UBE4B: variants seen among roughly 807,000 people sequenced by gnomAD.
UBE4B encodes the protein ubiquitination factor E4B, also known as ubiquitin conjugation factor E4 B.
A neutral mutation model predicts 148.1 loss-of-function variants in UBE4B; 27 were observed. The ratio of observed to expected loss-of-function variants is 0.18; its 90% CI spans 0.13 to 0.25. The LOEUF is 0.25. Ranked by LOEUF, UBE4B falls within the 10% of genes least tolerant of loss-of-function variation. The pLI, the probability that UBE4B is intolerant of heterozygous loss-of-function variation, is 1.00. For synonymous variants in UBE4B, 596 were observed against 619.3 expected, an observed-to-expected ratio of 0.96 and a Z score of 0.56; for missense variants, 1,170 against 1,662.4, an observed-to-expected ratio of 0.70 and a Z score of 5.15.
intron 1 of UBE4B, among the ~76,000 whole-genome samples, chr1:10,061,134 T>G (rs1644276936): frequency 6.6e-6 from 1 of 152,200 alleles, no homozygotes; most frequent in Admixed American, 6.5e-5. Context: ...ACTGCAAACC[T>G]ACGGCATACT....
intron 17 of UBE4B, among the ~76,000 whole-genome samples, chr1:10,137,753 C>A (rs978477431): frequency 3.3e-5 from 5 of 152,040 alleles, no homozygotes; most frequent in Non-Finnish European, 7.4e-5. Context: ...CTAACACCAA[C>A]AAACAGAAGT....
intron 1 of UBE4B, among the ~76,000 whole-genome samples, chr1:10,040,004 G>C (rs1447235090): frequency 2.0e-5 from 3 of 152,106 alleles, no homozygotes; most frequent in African/African-American, 7.2e-5. Context: ...CTGTGAAGGA[G>C]GGGAGGGGAG....
intron 15 of UBE4B, among the ~76,000 whole-genome samples, chr1:10,134,575 A>C (rs1645647258): frequency 6.6e-6 from 1 of 152,134 alleles, no homozygotes; most frequent in East Asian, 1.9e-4. Context: ...ATAATTATAT[A>C]ATAGGCGGTA....
intron 7 of UBE4B, among the ~76,000 whole-genome samples, chr1:10,112,283 A>G (rs1645234227): frequency 6.6e-6 from 1 of 152,270 alleles, no homozygotes; most frequent in Non-Finnish European, 1.5e-5. Context: ...TTAGGACTTC[A>G]ATATGACATA....
rs143663738 is a variant in UBE4B, at chr1:10,040,681, G to A, written c.24+6987G>A. ...TGCCCAGGCTGGAGTGCAATGGCGCGATCTCAGCTCGCTGCAACCTCTGCC... is the reference window on the plus strand; with the variant it reads ...TGCCCAGGCTGGAGTGCAATGGCGCAATCTCAGCTCGCTGCAACCTCTGCC... On this transcript the variant is annotated intron_variant, in intron 1 of 27. Coordinates refer to ENST00000343090, the MANE Select transcript of UBE4B (RefSeq NM_001105562.3). Among the ~76,000 whole-genome samples, 737 of 150,002 alleles carry A rather than the reference G, an allele frequency of 4.9e-3. 4 individuals are homozygous for A. Among genetic ancestry groups the A allele is most frequent in the Middle Eastern group, 0.01 (3 of 286 alleles).
At chr1:10,063,723 C>T (rs949605470) in intron 1 of UBE4B, among the ~76,000 whole-genome samples, 2 of 152,044 alleles carry the variant, frequency 1.3e-5, no homozygotes, top group African/African-American at 4.8e-5. Flanking sequence ...GCCTGGCCAA[C>T]ATGGTGAAAC....
intron 11 of UBE4B, among the ~76,000 whole-genome samples, chr1:10,127,881 G>A (rs1411546984): frequency 6.6e-6 from 1 of 152,166 alleles, no homozygotes; most frequent in African/African-American, 2.4e-5. Flanking sequence ...TACACAAAGG[G>A]TGTATTTATC....
chr1:10,146,202 A>C (rs1263748209), intron 18 of UBE4B, among the ~76,000 whole-genome samples: 1 of 152,222 alleles, frequency 6.6e-6, no homozygotes, highest in African/African-American at 2.4e-5. Context: ...CAGTAATCCC[A>C]GCACTTTGAG....
In UBE4B at chr1:10,142,430, G is replaced by A. The variant is rs190923295; in HGVS notation, c.2364-2510G>A. On this transcript the variant is annotated intron_variant, in intron 17 of 27. Transcript: ENST00000343090. ...GCTCACGCCTGTAATCCCAACACTG[G>A]GAGGCCGAGGTGGGCAGATCACATG... is the stretch of plus-strand genomic sequence containing the variant. Among the ~76,000 whole-genome samples the A allele has an allele frequency of 3.8e-3, 579 of 152,248 alleles. 4 individuals carry two copies. Among genetic ancestry groups the A allele is most frequent in the Non-Finnish European group, 7.0e-3 (474 of 68,016 alleles).
intron 2 of UBE4B, among the ~76,000 whole-genome samples, chr1:10,085,701 T>C (rs754214824): frequency 9.9e-5 from 15 of 152,222 alleles, no homozygotes; most frequent in Non-Finnish European, 2.1e-4. Flanking sequence ...ACTGAGGTAG[T>C]AAGAACAAGT....
chr1:10,088,188 A>G (rs1644792096), intron 2 of UBE4B, among the ~76,000 whole-genome samples: 1 of 152,146 alleles, frequency 6.6e-6, no homozygotes, highest in Non-Finnish European at 1.5e-5. Flanking sequence ...GTCCTGGTCT[A>G]CTGACTCCAG....
At chr1:10,064,514 A>G (rs1644346940) in intron 1 of UBE4B, among the ~76,000 whole-genome samples, 1 of 152,182 alleles carries the variant, frequency 6.6e-6, no homozygotes, top group South Asian at 2.1e-4. Context: ...TAGGGATAGA[A>G]AGATAGCTGG....
At chr1:10,151,597 C>T in intron 21 of UBE4B, 36 bp downstream of exon 21, 3 of 1,569,520 alleles carry the variant, frequency 1.9e-6, no homozygotes, top group Non-Finnish European at 2.6e-6. Flanking sequence ...ACATGGCAGG[C>T]CAACTTAGGT....
intron 1 of UBE4B, among the ~76,000 whole-genome samples, chr1:10,068,344 T>G (rs1372175998): frequency 6.8e-6 from 1 of 146,420 alleles, no homozygotes; most frequent in Non-Finnish European, 1.5e-5. Flanking sequence ...TTTCTTTTCT[T>G]TTTTCTTTTT....
chr1:10,169,634 A>G (rs770399707), intron 24 of UBE4B, among the ~76,000 whole-genome samples: 43 of 152,266 alleles, frequency 2.8e-4, no homozygotes, highest in Admixed American at 1.8e-3. Flanking sequence ...CAGATAGTAA[A>G]TAGTTGATTA....
intron 23 of UBE4B, among the ~76,000 whole-genome samples, chr1:10,162,377 G>C (rs1157303296): frequency 6.6e-6 from 1 of 152,048 alleles, no homozygotes; most frequent in East Asian, 1.9e-4. Context: ...GTTTCACCGT[G>C]TTAGCCAGGA....
chr1:10,056,751 G>C (rs2101804082), intron 1 of UBE4B, among the ~76,000 whole-genome samples: 1 of 152,344 alleles, frequency 6.6e-6, no homozygotes, highest in South Asian at 2.1e-4. Context: ...GAGGGCTTGA[G>C]AAGATGGGGC....
intron 3 of UBE4B, among the ~76,000 whole-genome samples, chr1:10,097,049 A>AAAAAAAAAAT (rs1557548839): frequency 6.8e-6 from 1 of 146,044 alleles, no homozygotes; most frequent in African/African-American, 2.5e-5. Flanking sequence ...AAAAAAAAAA[A>AAAAAAAAAAT]AAAAATAATA....
At chr1:10,109,689 C>A (rs2101900971) in intron 7 of UBE4B, among the ~76,000 whole-genome samples, 1 of 151,744 alleles carries the variant, frequency 6.6e-6, no homozygotes, top group Admixed American at 6.6e-5. Flanking sequence ...CTTGCTTTGT[C>A]ACCCAAGCTG....
Sources: allele counts gnomAD v4.1 joint callset (sites outside exome capture counted in the v4.1 genomes callset), GRCh38; gene constraint gnomAD v4.1.1; transcripts MANE v1.5; gene names NCBI Gene and HGNC (gene_info 2026-07-23, HGNC 2026-07-21).